The following TBC1D12 variants were observed in gnomAD, a reference collection of about 807,000 sequenced individuals.
The protein encoded by TBC1D12 is TBC1 domain family, member 12.
TBC1D12 carries 56 observed loss-of-function variants against 86.7 expected under a neutral mutation model. That is an observed-to-expected ratio of 0.65 (90% CI 0.52 to 0.81). The LOEUF is 0.81. TBC1D12 is among the 30% of genes least tolerant of loss of function. The pLI is 0.00. For missense variants in TBC1D12, 1,023 were observed against 1,038.8 expected (o/e 0.98, Z 0.21); for synonymous variants, 421 against 411.7 (o/e 1.02, Z -0.27).
intron 11 of TBC1D12, among the ~76,000 whole-genome samples, chr10:94,530,901 C>G (rs1392747805): frequency 6.9e-6 from 1 of 144,334 alleles, no homozygotes; most frequent in Non-Finnish European, 1.5e-5. Context: ...CACTCTATCA[C>G]CAGGCTGGAG....
intron 1 of TBC1D12, among the ~76,000 whole-genome samples, chr10:94,424,922 A>T (rs2055127455): frequency 6.6e-6 from 1 of 152,222 alleles, no homozygotes; most frequent in South Asian, 2.1e-4. Context: ...GGGCCAGGTA[A>T]GTAGGTTGTA....
chr10:94,443,446 TGTA>T (rs2055409422), intron 2 of TBC1D12, among the ~76,000 whole-genome samples: 1 of 152,162 alleles, frequency 6.6e-6, no homozygotes, highest in African/African-American at 2.4e-5. Flanking sequence ...ACACCTGGCT[TGTA>T]GTTAATTTTC....
intron 1 of TBC1D12, 56 bp downstream of exon 1, chr10:94,403,640 G>C (rs1344445445): frequency 7.1e-7 from 1 of 1,399,118 alleles, no homozygotes; most frequent in Non-Finnish European, 9.2e-7. Context: ...GCCGGAGCCG[G>C]GGTCTTGGTG....
Position 94,523,192 on chromosome 10 carries a change from C to CAAAAA in TBC1D12, c.2000+760_2000+764dup, listed in dbSNP as rs33935088. On this transcript the variant is annotated intron_variant, in intron 11 of 12. Coordinates refer to ENST00000225235, the MANE Select transcript of TBC1D12 (RefSeq NM_015188.2). ...TGGACAACAGAGCGAAACTCTATCT[C>CAAAAA]AAAAAAAAAAAAAAAAAAAAAAAAA... Among the ~76,000 whole-genome samples, 323 of 44,066 alleles carry CAAAAA rather than the reference C, an allele frequency of 7.3e-3. 30 individuals are homozygous for CAAAAA. Among genetic ancestry groups the CAAAAA allele is most frequent in the East Asian group, 0.024 (28 of 1,168 alleles). The allele number at this position is 44,066 out of a possible 152,430, so 28.9% of individuals were successfully genotyped here.
chr10:94,425,961 TCTAA>T (rs1413320644), intron 1 of TBC1D12, among the ~76,000 whole-genome samples: 20 of 152,322 alleles, frequency 1.3e-4, no homozygotes, highest in African/African-American at 4.8e-4. Context: ...AATTTCACTT[TCTAA>T]CTATTCATTA....
At chr10:94,427,989 T>G (rs2055169752) in intron 1 of TBC1D12, among the ~76,000 whole-genome samples, 1 of 152,008 alleles carries the variant, frequency 6.6e-6, no homozygotes, top group African/African-American at 2.4e-5. Flanking sequence ...AGAAAATAAA[T>G]TTGTATATTT....
intron 3 of TBC1D12, among the ~76,000 whole-genome samples, chr10:94,477,239 G>A (rs1382378835): frequency 6.6e-6 from 1 of 152,082 alleles, no homozygotes; most frequent in East Asian, 1.9e-4. Flanking sequence ...GAGATGCTGT[G>A]GTTAATTAAC....
chr10:94,530,315 AT>A (rs1158039449), intron 11 of TBC1D12, among the ~76,000 whole-genome samples: 3 of 152,190 alleles, frequency 2.0e-5, no homozygotes, highest in Admixed American at 6.5e-5. Context: ...GGGAAAAACC[AT>A]TTTGGTGATT....
Position 94,516,911 on chromosome 10 carries a change from G to A in TBC1D12, c.1762-5044G>A, listed in dbSNP as rs75548877. Among the ~76,000 whole-genome samples the A allele has an allele frequency of 7.6e-3, 1,158 of 151,900 alleles. 16 individuals carry two copies. The highest frequency in any genetic ancestry group is 0.027 in the African/African-American group (1,107 of 41,482). On this transcript the variant is annotated intron_variant, in intron 9 of 12. Coordinates refer to ENST00000225235, the MANE Select transcript of TBC1D12 (RefSeq NM_015188.2). ...GACATTTTAGGCTAAATTTTATTTT[G>A]TGTTTTGTGTTTTTTGTTTTGAGAC... is the stretch of plus-strand genomic sequence containing the variant.
rs116587989 is a variant in TBC1D12 at position 94,503,416 on chromosome 10, C to G, written c.1519+3089C>G. 7.8e-3 allele frequency among the ~76,000 whole-genome samples: 1,182 copies of G among 152,158 alleles called. 16 individuals carry two copies. The highest frequency in any genetic ancestry group is 0.027 in the African/African-American group (1,130 of 41,510). The stretch of plus-strand genomic sequence containing the variant: ...CTAAGAATTTACTCTGAGGAAATAG[C>G]CAGGATTGGATGCAAAAGCTTTTCT... On this transcript the variant is annotated intron_variant, in intron 6 of 12. Coordinates refer to ENST00000225235, the MANE Select transcript of TBC1D12 (RefSeq NM_015188.2).
intron 2 of TBC1D12, among the ~76,000 whole-genome samples, chr10:94,467,455 C>T (rs1302266677): frequency 6.6e-6 from 1 of 152,176 alleles, no homozygotes; most frequent in African/African-American, 2.4e-5. Context: ...TGGTCTCGAA[C>T]TTCCGACCTC....
chr10:94,512,936 T>A (rs144110389), intron 9 of TBC1D12, among the ~76,000 whole-genome samples: 1 of 152,294 alleles, frequency 6.6e-6, no homozygotes, highest in African/African-American at 2.4e-5. Flanking sequence ...AATGTTGACA[T>A]CTTATAGTTT....
chr10:94,515,095 G>A (rs2056573919), intron 9 of TBC1D12, among the ~76,000 whole-genome samples: 1 of 150,456 alleles, frequency 6.6e-6, no homozygotes, highest in Admixed American at 6.6e-5. Flanking sequence ...TTTTAGTAGA[G>A]ACGGGGTTTC....
chr10:94,487,566 GCAAA>G (rs2056184078), intron 3 of TBC1D12, among the ~76,000 whole-genome samples: 2 of 151,452 alleles, frequency 1.3e-5, no homozygotes, highest in Admixed American at 6.6e-5. Context: ...GATTGCATAA[GCAAA>G]CAAACTAGCA....
At chr10:94,407,837 A>G (rs1225333753) in intron 1 of TBC1D12, among the ~76,000 whole-genome samples, 1 of 152,066 alleles carries the variant, frequency 6.6e-6, no homozygotes, top group Admixed American at 6.6e-5. Context: ...ATGGTAGCGT[A>G]TGCCTGTAGT....
At chr10:94,511,541 A>T in intron 8 of TBC1D12, 42 bp from the exon 9 acceptor site, 2 of 1,248,842 alleles carry the variant, frequency 1.6e-6, no homozygotes, top group East Asian at 2.3e-5. Flanking sequence ...AACTTAGAGA[A>T]AATTATTTGT....
intron 2 of TBC1D12, 107 bp from the exon 3 acceptor site, chr10:94,474,561 A>C: frequency 1.4e-6 from 1 of 730,008 alleles, no homozygotes; most frequent in East Asian, 3.0e-5. Flanking sequence ...TATTTTTTGA[A>C]TTGTATGTAT....
intron 2 of TBC1D12, among the ~76,000 whole-genome samples, chr10:94,451,334 A>G (rs991318457): frequency 6.6e-6 from 1 of 152,114 alleles, no homozygotes; most frequent in Non-Finnish European, 1.5e-5. Context: ...AAAAAATCTT[A>G]AAAAGGTTAT....
chr10:94,447,243 A>G (rs747386963), intron 2 of TBC1D12, among the ~76,000 whole-genome samples: 45 of 151,956 alleles, frequency 3.0e-4, no homozygotes, highest in Non-Finnish European at 3.8e-4. Flanking sequence ...TTACATGTAT[A>G]TATTTTGCAT....
Sources: gnomAD v4.1 joint callset for allele counts (sites outside exome capture counted in the v4.1 genomes callset) on GRCh38, gnomAD v4.1.1 for gene constraint, MANE v1.5 for transcripts, NCBI Gene and HGNC (gene_info 2026-07-23, HGNC 2026-07-21) for gene names.